The following LARGE1 variants were observed in gnomAD, a reference collection of about 807,000 sequenced individuals.
LARGE1 encodes the protein xylosyl- and glucuronyltransferase LARGE1.
A neutral mutation model predicts 87.6 loss-of-function variants in LARGE1; 43 were observed. That is an observed-to-expected ratio of 0.49 (90% CI 0.38 to 0.63). The LOEUF is 0.63. Among genes scored for constraint, LARGE1 ranks in the 30% least tolerant of loss-of-function variants. The probability of loss-of-function intolerance (pLI) is 0.00; values close to 1 mark genes in which losing one functional copy is unlikely to be tolerated. For synonymous variants in LARGE1, 434 were observed against 394.6 expected, an observed-to-expected ratio of 1.10 and a Z score of -1.18; for missense variants, 802 against 1,000.2, an observed-to-expected ratio of 0.80 and a Z score of 2.67.
chr22:33,292,846 G>T (rs1295252742), intron 12 of LARGE1, among the ~76,000 whole-genome samples: 1 of 152,152 alleles, frequency 6.6e-6, no homozygotes, highest in Non-Finnish European at 1.5e-5. Flanking sequence ...GTGCAATCAT[G>T]GGCCATTTTC....
intron 11 of LARGE1, among the ~76,000 whole-genome samples, chr22:33,226,702 C>T (rs1237449454): frequency 6.6e-6 from 1 of 151,164 alleles, no homozygotes; most frequent in Non-Finnish European, 1.5e-5. Context: ...TGAAGATAAC[C>T]TTTAAATTAT....
chr22:33,532,428 G>A (rs1394005903), intron 6 of LARGE1, among the ~76,000 whole-genome samples: 1 of 152,182 alleles, frequency 6.6e-6, no homozygotes, highest in African/African-American at 2.4e-5. Context: ...CCTGACAAGG[G>A]GGAGACTAAA....
At chr22:33,730,615 A>T (rs1384848200) in intron 2 of LARGE1, among the ~76,000 whole-genome samples, 1 of 152,196 alleles carries the variant, frequency 6.6e-6, no homozygotes, top group East Asian at 1.9e-4. Flanking sequence ...AAAAAGTGGT[A>T]AGGAGAAAAA....
the LARGE1 span, among the ~76,000 whole-genome samples, chr22:33,075,912 G>C: frequency 1.4e-4 from 21 of 152,094 alleles, no homozygotes; most frequent in African/African-American, 5.1e-4. Flanking sequence ...ATGCAGATTA[G>C]ACATATCCTT....
At chr22:33,408,676 T>C (rs980360618) in intron 7 of LARGE1, among the ~76,000 whole-genome samples, 8 of 151,228 alleles carry the variant, frequency 5.3e-5, no homozygotes, top group African/African-American at 1.9e-4. Flanking sequence ...GATTTTCATG[T>C]GCCACAAAAT....
chr22:33,261,164 G>A (rs1344310395), intron 11 of LARGE1, among the ~76,000 whole-genome samples: 3 of 152,182 alleles, frequency 2.0e-5, no homozygotes, highest in Non-Finnish European at 4.4e-5. Context: ...AACAAGACAC[G>A]GTCCTTTCTC....
At chr22:33,102,437 C>T in the LARGE1 span, among the ~76,000 whole-genome samples, 1 of 152,082 alleles carries the variant, frequency 6.6e-6, no homozygotes, top group African/African-American at 2.4e-5. Context: ...TCCTAAAGTG[C>T]TGGGATTACA....
At chr22:33,904,560 C>G (rs1218752882) in intron 1 of LARGE1, among the ~76,000 whole-genome samples, 2 of 152,190 alleles carry the variant, frequency 1.3e-5, no homozygotes, top group Non-Finnish European at 2.9e-5. Context: ...CCCATGGGGA[C>G]AGGCTGCCTG....
At chr22:33,090,714 TC>T in the LARGE1 span, among the ~76,000 whole-genome samples, 800 of 152,322 alleles carry the variant, frequency 5.3e-3, 3 homozygotes, top group African/African-American at 0.018. Flanking sequence ...GGGTTAGAGT[TC>T]CTATTGCATA....
chr22:33,693,640 T>C (rs1056253077), intron 2 of LARGE1, among the ~76,000 whole-genome samples: 1 of 151,836 alleles, frequency 6.6e-6, no homozygotes, highest in Non-Finnish European at 1.5e-5. Flanking sequence ...TTGGCCAACA[T>C]GGTGAAACCC....
intron 2 of LARGE1, among the ~76,000 whole-genome samples, chr22:33,679,735 G>A (rs539138246): frequency 9.2e-5 from 14 of 152,198 alleles, no homozygotes; most frequent in Non-Finnish European, 1.5e-4. Context: ...TCAGCTATTC[G>A]GGAGGCTGAG....
At chr22:33,470,693 G>A (rs561003055) in intron 6 of LARGE1, among the ~76,000 whole-genome samples, 18 of 152,254 alleles carry the variant, frequency 1.2e-4, no homozygotes, top group East Asian at 3.9e-4. Context: ...TCCTCTACAC[G>A]GACCTTGACC....
chr22:33,903,866 G>T (rs1483291352), intron 1 of LARGE1, among the ~76,000 whole-genome samples: 2 of 152,176 alleles, frequency 1.3e-5, no homozygotes, highest in African/African-American at 4.8e-5. Context: ...AATGACTGAT[G>T]CAGGGAATAG....
chr22:33,901,660 G>A (rs1479535952), intron 1 of LARGE1, among the ~76,000 whole-genome samples: 1 of 152,154 alleles, frequency 6.6e-6, no homozygotes, highest in Non-Finnish European at 1.5e-5. Context: ...AACAGAGTGA[G>A]ATAGCATCTC....
chr22:33,358,099 GC>G (rs1248708205), intron 9 of LARGE1, among the ~76,000 whole-genome samples: 1 of 152,182 alleles, frequency 6.6e-6, no homozygotes, highest in Non-Finnish European at 1.5e-5. Context: ...TTAAACAGGA[GC>G]CAGCTGCCTC....
chr22:33,400,056 C>T (rs957526141), intron 7 of LARGE1, among the ~76,000 whole-genome samples: 4 of 152,230 alleles, frequency 2.6e-5, no homozygotes, highest in Non-Finnish European at 4.4e-5. Flanking sequence ...TCTCTTCTCT[C>T]GCTCAGAAAT....
At chr22:33,446,169 C>CAT (rs764781148) in intron 6 of LARGE1, among the ~76,000 whole-genome samples, 2 of 152,178 alleles carry the variant, frequency 1.3e-5, no homozygotes, top group Non-Finnish European at 2.9e-5. Context: ...TGATAGGGCT[C>CAT]AGAGAGCTAC....
At chr22:33,129,929 GAC>G in the LARGE1 span, among the ~76,000 whole-genome samples, 1 of 152,184 alleles carries the variant, frequency 6.6e-6, no homozygotes, top group Non-Finnish European at 1.5e-5. Context: ...TTTGGGTGGG[GAC>G]ACACACAGCC....
the LARGE1 span, among the ~76,000 whole-genome samples, chr22:33,077,077 A>T: frequency 6.6e-6 from 1 of 152,200 alleles, no homozygotes; most frequent in Non-Finnish European, 1.5e-5. Flanking sequence ...GAGTTAATAC[A>T]CAAGAAATGC....
Sources: gnomAD v4.1 joint callset for allele counts (sites outside exome capture counted in the v4.1 genomes callset) on GRCh38, gnomAD v4.1.1 for gene constraint, MANE v1.5 for transcripts, NCBI Gene and HGNC (gene_info 2026-07-23, HGNC 2026-07-21) for gene names.